Variants in LRRC4C observed in about 807,000 individuals in gnomAD.
LRRC4C encodes the protein leucine-rich repeat-containing protein 4C.
Under a neutral mutation model 33.6 loss-of-function variants are expected in LRRC4C, and 5 were observed. That is an observed-to-expected ratio of 0.15 (90% CI 0.08 to 0.31). The LOEUF (loss-of-function observed/expected upper bound fraction) is 0.31, where lower values mean the gene tolerates loss of function less well. LRRC4C is among the 10% of genes least tolerant of loss of function. LRRC4C has a pLI of 1.00. For missense variants in LRRC4C, 560 were observed against 796.7 expected, an observed-to-expected ratio of 0.70 and a Z score of 3.58; for synonymous variants, 329 against 302.0, an observed-to-expected ratio of 1.09 and a Z score of -0.93.
intron 4 of LRRC4C, among the ~76,000 whole-genome samples, chr11:40,281,712 G>T (rs946949108): frequency 6.6e-6 from 1 of 152,096 alleles, no homozygotes; most frequent in Non-Finnish European, 1.5e-5. Flanking sequence ...AAAATGATCA[G>T]CTGCACGGAC....
intron 1 of LRRC4C, among the ~76,000 whole-genome samples, chr11:41,184,864 G>A (rs1271356490): frequency 6.6e-6 from 1 of 151,980 alleles, no homozygotes; most frequent in African/African-American, 2.4e-5. Flanking sequence ...CCACATGGCT[G>A]GGGAGGCCTC....
chr11:41,178,757 G>A (rs1387842193), intron 1 of LRRC4C, among the ~76,000 whole-genome samples: 2 of 152,172 alleles, frequency 1.3e-5, no homozygotes, highest in African/African-American at 4.8e-5. Flanking sequence ...AGGCTGAAGT[G>A]CAGTAGCGCA....
chr11:40,295,993 A>G (rs1944492665), intron 4 of LRRC4C, among the ~76,000 whole-genome samples: 2 of 152,238 alleles, frequency 1.3e-5, no homozygotes, highest in Non-Finnish European at 2.9e-5. Flanking sequence ...GAAGTAAGCT[A>G]GAAGCCATTT....
intron 1 of LRRC4C, among the ~76,000 whole-genome samples, chr11:40,937,387 G>A (rs1957950114): frequency 6.6e-6 from 1 of 152,056 alleles, no homozygotes. Flanking sequence ...CCTGGGTGAT[G>A]GGATCCATAC....
intron 3 of LRRC4C, among the ~76,000 whole-genome samples, chr11:40,594,768 C>T (rs534420078): frequency 3.3e-5 from 5 of 152,060 alleles, no homozygotes; most frequent in South Asian, 2.1e-4. Flanking sequence ...AAGTACTGAG[C>T]AATTATCAAA....
intron 3 of LRRC4C, among the ~76,000 whole-genome samples, chr11:40,401,133 A>C (rs1467405469): frequency 1.3e-5 from 2 of 151,960 alleles, no homozygotes; most frequent in African/African-American, 4.8e-5. Flanking sequence ...CACAGAAAGC[A>C]GCACACATGG....
intron 2 of LRRC4C, among the ~76,000 whole-genome samples, chr11:40,821,494 G>C (rs1951925341): frequency 6.6e-6 from 1 of 151,406 alleles, no homozygotes; most frequent in Admixed American, 6.6e-5. Flanking sequence ...AATCCTTACA[G>C]GTGTAGTCAA....
chr11:41,122,294 C>A (rs1942480433), intron 1 of LRRC4C, among the ~76,000 whole-genome samples: 1 of 152,082 alleles, frequency 6.6e-6, no homozygotes, highest in African/African-American at 2.4e-5. Context: ...TCAGATAGTT[C>A]TGTCGGGAAA....
chr11:41,434,337 T>C (rs559143953), intron 1 of LRRC4C, among the ~76,000 whole-genome samples: 1 of 151,538 alleles, frequency 6.6e-6, no homozygotes, highest in African/African-American at 2.4e-5. Context: ...TTCAGATAAT[T>C]TTTTTTTTAA....
intron 2 of LRRC4C, among the ~76,000 whole-genome samples, chr11:40,876,097 G>A (rs1954873148): frequency 6.6e-6 from 1 of 151,930 alleles, no homozygotes; most frequent in South Asian, 2.1e-4. Context: ...ATTTCGTCTT[G>A]ATTTTAATTC....
chr11:40,882,294 T>C (rs1387105392), intron 2 of LRRC4C, among the ~76,000 whole-genome samples: 1 of 151,948 alleles, frequency 6.6e-6, no homozygotes, highest in Non-Finnish European at 1.5e-5. Flanking sequence ...GATCAAATAC[T>C]GTATTACCGA....
chr11:41,344,629 A>G (rs2137506807), intron 1 of LRRC4C, among the ~76,000 whole-genome samples: 2 of 152,336 alleles, frequency 1.3e-5, no homozygotes, highest in South Asian at 4.1e-4. Flanking sequence ...CATATTGTTC[A>G]TCTGCTTTAT....
chr11:40,510,510 T>C (rs562355846), intron 3 of LRRC4C, among the ~76,000 whole-genome samples: 1 of 152,294 alleles, frequency 6.6e-6, no homozygotes, highest in East Asian at 1.9e-4. Context: ...GTAAATTCAT[T>C]ATATAATTTC....
intron 5 of LRRC4C, among the ~76,000 whole-genome samples, chr11:40,174,308 T>C (rs192773952): frequency 1.3e-5 from 2 of 152,324 alleles, no homozygotes; most frequent in East Asian, 3.9e-4. Flanking sequence ...TTACTTCTGC[T>C]GGCCTTGACC....
chr11:40,955,348 G>A (rs1958908154), intron 1 of LRRC4C, among the ~76,000 whole-genome samples: 4 of 151,706 alleles, frequency 2.6e-5, no homozygotes, highest in Admixed American at 1.3e-4. Context: ...ATAGGAGGAA[G>A]TATAAAAGGT....
intron 3 of LRRC4C, among the ~76,000 whole-genome samples, chr11:40,396,756 C>G (rs1338987112): frequency 1.3e-5 from 2 of 152,056 alleles, no homozygotes; most frequent in African/African-American, 4.8e-5. Context: ...GTTAGCAAGT[C>G]TTTCACCTGC....
At chr11:41,226,777 C>CA in intron 1 of LRRC4C, among the ~76,000 whole-genome samples, 1 of 150,602 alleles carries the variant, frequency 6.6e-6, no homozygotes, top group Non-Finnish European at 1.5e-5. Context: ...CACACACACA[C>CA]CCTTCTCTCT....
intron 1 of LRRC4C, among the ~76,000 whole-genome samples, chr11:41,156,719 G>A (rs1253401360): frequency 3.3e-5 from 5 of 152,004 alleles, no homozygotes; most frequent in Non-Finnish European, 5.9e-5. Context: ...AGGGGCATTA[G>A]GGCAGCAAGT....
At chr11:41,445,102 A>AT (rs1955779496) in intron 1 of LRRC4C, among the ~76,000 whole-genome samples, 2 of 152,162 alleles carry the variant, frequency 1.3e-5, no homozygotes, top group East Asian at 1.9e-4. Context: ...CACGCCCGAC[A>AT]TCTAACTTAA....
Sources: gnomAD v4.1 joint callset for allele counts (sites outside exome capture counted in the v4.1 genomes callset) on GRCh38, gnomAD v4.1.1 for gene constraint, MANE v1.5 for transcripts, NCBI Gene and HGNC (gene_info 2026-07-23, HGNC 2026-07-21) for gene names.